The following DRD3 variants were observed in gnomAD, a reference collection of about 807,000 sequenced individuals.
DRD3 encodes the protein dopamine receptor D3, also known as D(3) dopamine receptor.
In DRD3, 19 loss-of-function variants were observed where a neutral mutation model predicts 36.3. The observed-to-expected ratio is 0.52, with a 90% CI of 0.36 to 0.77. The LOEUF (loss-of-function observed/expected upper bound fraction) is 0.77. Among genes scored for constraint, DRD3 ranks in the 30% least tolerant of loss-of-function variants. DRD3 has a pLI of 0.00. For missense variants in DRD3, 465 were observed against 505.3 expected (o/e 0.92, Z 0.77); for synonymous variants, 195 against 203.7 (o/e 0.96, Z 0.36).
chr3:114,152,061 C>CT (rs1210547065), intron 3 of DRD3, among the ~76,000 whole-genome samples: 1 of 152,130 alleles, frequency 6.6e-6, no homozygotes, highest in Non-Finnish European at 1.5e-5. Context: ...TTTGTTTCTT[C>CT]TTTTTTGAAA....
chr3:114,149,552 C>T (rs567652742), intron 3 of DRD3, among the ~76,000 whole-genome samples: 6 of 152,286 alleles, frequency 3.9e-5, no homozygotes, highest in South Asian at 2.1e-4. Context: ...TAATCCCCTC[C>T]GTTGAGTGTA....
At chr3:114,176,807 C>T (rs921946404) in intron 1 of DRD3, among the ~76,000 whole-genome samples, 12 of 152,258 alleles carry the variant, frequency 7.9e-5, no homozygotes, top group East Asian at 1.9e-4. Flanking sequence ...GGCTGTAATT[C>T]GGACTTGCTA....
At chr3:114,148,378 G>A (rs115017229) in intron 3 of DRD3, among the ~76,000 whole-genome samples, 1,543 of 152,242 alleles carry the variant, frequency 0.01, 17 homozygotes, top group Non-Finnish European at 0.016. Context: ...AGTAGTAGAT[G>A]TTTTAAAAAT....
At position 114,190,772 on chromosome 3, in the gene DRD3, C is replaced by T. The variant is rs74639545; in HGVS notation, c.-156+8501G>A. On this transcript the variant is annotated intron_variant, in intron 1 of 7. Transcript: ENST00000460779. ...GTTTGGGAGGGTAGAACATGCACATCTGCCTAAGTTAAGAAGCAAGGAAAG... is the reference window on the plus strand; with the variant it reads ...GTTTGGGAGGGTAGAACATGCACATTTGCCTAAGTTAAGAAGCAAGGAAAG... 3.9e-3 allele frequency among the ~76,000 whole-genome samples: 586 copies of T among 152,044 alleles called. 4 individuals are homozygous for T. Among genetic ancestry groups the T allele is most frequent in the African/African-American group, 0.013 (541 of 41,488 alleles).
intron 3 of DRD3, among the ~76,000 whole-genome samples, chr3:114,156,775 CTTTCTTTCTTTCTTTCTTTCTTTCTCT>C (rs2077678480): frequency 3.0e-5 from 3 of 99,844 alleles, no homozygotes; most frequent in African/African-American, 7.2e-5. Context: ...TTCTTTCTTT[CTTTCTTTCTTTCTTTCTTTCTTTCTCT>C]TTTCTTTTTC....
chr3:114,196,060 A>G (rs7621723), intron 1 of DRD3, among the ~76,000 whole-genome samples: 6,552 of 152,282 alleles, frequency 0.043, 459 homozygotes, highest in African/African-American at 0.15. Context: ...ACAAGAGCAC[A>G]TTTTGAGCAG....
intron 2 of DRD3, among the ~76,000 whole-genome samples, chr3:114,169,723 T>A (rs1486010): frequency 0.066 from 10,040 of 152,110 alleles, 373 homozygotes; most frequent in South Asian, 0.11. Flanking sequence ...TGCTCAGTAG[T>A]AGAATAGGAG....
intron 4 of DRD3, among the ~76,000 whole-genome samples, chr3:114,142,919 G>A (rs969109431): frequency 2.0e-5 from 3 of 152,218 alleles, no homozygotes; most frequent in African/African-American, 7.2e-5. Context: ...TGCAGGCAGA[G>A]TGACACTGGA....
chr3:114,128,765 G>A lies in DRD3; in HGVS notation c.1154C>T (p.Thr385Ile), dbSNP rs2077399711. The A allele has an allele frequency of 6.2e-7, 1 of 1,612,950 alleles. No individual in the cohort carries two copies. The highest frequency in any genetic ancestry group is 8.5e-7 in the Non-Finnish European group (1 of 1,179,556). Residue 385 changes from threonine to isoleucine, a missense_variant, in exon 7 of 7, where the codon ACC becomes ATC. Transcript: ENST00000383673. ...GGCTTTCCGGAACTCGATATTGAAGGTGGTATAGATCACAGGGTTGAGGGC... is the reference window on the plus strand; with the variant it reads ...GGCTTTCCGGAACTCGATATTGAAGATGGTATAGATCACAGGGTTGAGGGC... ...NSALNPVIYT[T>I]FNIEFRKAFL...
At position 114,164,897 on chromosome 3, in the gene DRD3, C is replaced by T. The variant is rs763148228; in HGVS notation, c.271-5030G>A. Among the ~76,000 whole-genome samples, 3 of 152,228 alleles carry T rather than the reference C, an allele frequency of 2.0e-5. No individual in the cohort carries two copies. In the East Asian group the frequency reaches 5.8e-4, roughly 30 times the overall value. Reference sequence around the variant, plus strand: ...CTCCCAAGTAGCTGGATTATAGGCTCATGCCACCAGGCCCAGCTAATTTTT... The same window carrying T: ...CTCCCAAGTAGCTGGATTATAGGCTTATGCCACCAGGCCCAGCTAATTTTT... On this transcript the variant is annotated intron_variant, in intron 2 of 6. Transcript: ENST00000383673.
intron 4 of DRD3, among the ~76,000 whole-genome samples, chr3:114,146,840 G>GTCCA (rs973925039): frequency 6.6e-6 from 1 of 151,968 alleles, no homozygotes; most frequent in Non-Finnish European, 1.5e-5. Context: ...CATATATATT[G>GTCCA]TCCATCCATC....
chr3:114,131,950 A>G lies in DRD3; in HGVS notation c.724-550T>C, dbSNP rs572874748. Among the ~76,000 whole-genome samples the G allele has an allele frequency of 2.0e-5, 3 of 152,312 alleles. No individual in the cohort carries two copies. In the East Asian group the frequency reaches 5.8e-4, roughly 29 times the overall value. On this transcript the variant is annotated intron_variant, in intron 5 of 6. Transcript: ENST00000383673. The stretch of plus-strand genomic sequence containing the variant: ...AGGATGAGAATAGGCACGCTTTTAC[A>G]CTGTTGGTGGGAGTGTAAGTTAGTT...
intron 4 of DRD3, among the ~76,000 whole-genome samples, chr3:114,145,256 G>T (rs116215691): frequency 2.5e-3 from 387 of 152,296 alleles, no homozygotes; most frequent in African/African-American, 9.0e-3. Flanking sequence ...TACAGAAGGT[G>T]ACTTAGTTAT....
intron 1 of DRD3, among the ~76,000 whole-genome samples, chr3:114,185,590 C>G (rs1271154638): frequency 4.0e-5 from 6 of 151,804 alleles, no homozygotes; most frequent in Admixed American, 3.9e-4. Context: ...AGATCTGCCA[C>G]TGAGACTCTT....
intron 4 of DRD3, among the ~76,000 whole-genome samples, chr3:114,146,701 A>C (rs2077572599): frequency 6.7e-6 from 1 of 149,622 alleles, no homozygotes; most frequent in Non-Finnish European, 1.5e-5. Flanking sequence ...TTGGTCTCAA[A>C]AAAAAAAAAA....
At chr3:114,139,276 C>T (rs1209126507) in intron 5 of DRD3, among the ~76,000 whole-genome samples, 2 of 152,220 alleles carry the variant, frequency 1.3e-5, no homozygotes, top group African/African-American at 4.8e-5. Context: ...AGGAGCTCTC[C>T]AATCACTTTG....
At chr3:114,167,135 G>A (rs896698255) in intron 2 of DRD3, among the ~76,000 whole-genome samples, 3 of 151,962 alleles carry the variant, frequency 2.0e-5, no homozygotes, top group Admixed American at 6.6e-5. Flanking sequence ...TCTGTGGTGC[G>A]TTTCCTTGCC....
At chr3:114,184,322 A>C (rs2107899720) in intron 1 of DRD3, among the ~76,000 whole-genome samples, 1 of 152,320 alleles carries the variant, frequency 6.6e-6, no homozygotes, top group South Asian at 2.1e-4. Context: ...ACCAAACATA[A>C]ACTAATAATT....
rs114563219 is a variant in DRD3, at chr3:114,161,435, C to T, written c.271-1568G>A. On this transcript the variant is annotated intron_variant, in intron 2 of 6. Transcript: ENST00000383673. Reference sequence around the variant, plus strand: ...CCAATAAAATAAGGTCCTAAAAGGCCGTCTTTCCTTCCCTGTCCCTGATAA... The same window carrying T: ...CCAATAAAATAAGGTCCTAAAAGGCTGTCTTTCCTTCCCTGTCCCTGATAA... Among the ~76,000 whole-genome samples, 432 of 152,260 alleles carry T rather than the reference C, an allele frequency of 2.8e-3. 5 individuals are homozygous for T. The highest frequency in any genetic ancestry group is 0.01 in the African/African-American group (418 of 41,558).
Sources: allele counts gnomAD v4.1 joint callset (sites outside exome capture counted in the v4.1 genomes callset), GRCh38; gene constraint gnomAD v4.1.1; transcripts MANE v1.5; gene names NCBI Gene and HGNC (gene_info 2026-07-23, HGNC 2026-07-21).